Variants in PCDH15 observed in about 807,000 individuals in gnomAD.
The protein encoded by PCDH15 is protocadherin-15.
Under a neutral mutation model 178.5 loss-of-function variants are expected in PCDH15, and 129 were observed. The ratio of observed to expected loss-of-function variants is 0.72; its 90% CI spans 0.63 to 0.84. The LOEUF (loss-of-function observed/expected upper bound fraction) is 0.84, where lower values mean the gene tolerates loss of function less well. PCDH15 is among the 40% of genes least tolerant of loss of function. The pLI is 0.00. For missense variants in PCDH15, 2,230 were observed against 2,099.9 expected (o/e 1.06, Z -1.21); for synonymous variants, 800 against 732.0 (o/e 1.09, Z -1.50).
intron 13 of PCDH15, among the ~76,000 whole-genome samples, chr10:54,171,261 G>A (rs1460580494): frequency 1.3e-5 from 2 of 152,090 alleles, no homozygotes; most frequent in Non-Finnish European, 2.9e-5. Flanking sequence ...TTCAAGAAAA[G>A]TAGAATGGAC....
At chr10:54,135,113 G>C (rs1332596413) in intron 14 of PCDH15, among the ~76,000 whole-genome samples, 1 of 151,206 alleles carries the variant, frequency 6.6e-6, no homozygotes, top group Non-Finnish European at 1.5e-5. Flanking sequence ...GCAGAAGGGA[G>C]AATTGCTTGA....
At chr10:55,231,113 T>C (rs950676316) in intron 1 of PCDH15, among the ~76,000 whole-genome samples, 9 of 152,130 alleles carry the variant, frequency 5.9e-5, no homozygotes, top group East Asian at 1.9e-4. Context: ...AGCCAGAATA[T>C]AGCTTTGCAT....
intron 2 of PCDH15, among the ~76,000 whole-genome samples, chr10:55,142,047 T>A (rs914474961): frequency 6.6e-6 from 1 of 152,082 alleles, no homozygotes; most frequent in Non-Finnish European, 1.5e-5. Flanking sequence ...TATGGCAGAA[T>A]GTATTTGTTA....
At chr10:54,312,243 A>C (rs554081959) in intron 8 of PCDH15, among the ~76,000 whole-genome samples, 55 of 152,250 alleles carry the variant, frequency 3.6e-4, no homozygotes, top group African/African-American at 1.2e-3. Flanking sequence ...AAACACAGTA[A>C]TTTGAATGTG....
At chr10:53,954,718 A>G (rs1377924860) in intron 23 of PCDH15, among the ~76,000 whole-genome samples, 1 of 152,244 alleles carries the variant, frequency 6.6e-6, no homozygotes, top group African/African-American at 2.4e-5. Context: ...AATACTCATT[A>G]AACTGAAATC....
At chr10:54,144,506 C>T (rs2133218007) in intron 14 of PCDH15, among the ~76,000 whole-genome samples, 1 of 152,184 alleles carries the variant, frequency 6.6e-6, no homozygotes, top group Admixed American at 6.6e-5. Context: ...TGCTTTCTTG[C>T]CCCTCCCTAG....
intron 2 of PCDH15, among the ~76,000 whole-genome samples, chr10:55,612,841 A>G (rs1348796001): frequency 6.6e-6 from 1 of 152,106 alleles, no homozygotes; most frequent in Non-Finnish European, 1.5e-5. Context: ...CCTTTAATGT[A>G]TCTGCATGGT....
At chr10:54,990,028 C>T (rs1839462520) in intron 2 of PCDH15, among the ~76,000 whole-genome samples, 1 of 152,150 alleles carries the variant, frequency 6.6e-6, no homozygotes, top group African/African-American at 2.4e-5. Context: ...ATGTGACTTG[C>T]TCCTCCTTGT....
chr10:54,874,410 G>A (rs1954100330), intron 3 of PCDH15, among the ~76,000 whole-genome samples: 1 of 149,580 alleles, frequency 6.7e-6, no homozygotes, highest in African/African-American at 2.5e-5. Flanking sequence ...CTTTGCTATT[G>A]TGAATAATGC....
rs189370928 is a variant in PCDH15 at position 54,598,295 on chromosome 10, C to A, written c.91+65877G>T. 9.9e-5 allele frequency among the ~76,000 whole-genome samples: 15 copies of A among 152,140 alleles called. No homozygotes were observed. The East Asian group carries it at 2.7e-3, about 27-fold the overall frequency. On this transcript the variant is annotated intron_variant, in intron 2 of 37. Transcript: ENST00000644397. The stretch of plus-strand genomic sequence containing the variant: ...ATCCACCACAATCAATATTCTTTAT[C>A]CCTGGGATGCAAGGTTTGTTCAATA...
intron 2 of PCDH15, among the ~76,000 whole-genome samples, chr10:55,522,893 C>G (rs1042901996): frequency 3.3e-5 from 5 of 151,018 alleles, no homozygotes; most frequent in Admixed American, 3.3e-4. Flanking sequence ...TTTTCTTTCT[C>G]CCCTGTTGTC....
At chr10:55,427,876 A>C (rs1323805789) in intron 2 of PCDH15, among the ~76,000 whole-genome samples, 1 of 152,128 alleles carries the variant, frequency 6.6e-6, no homozygotes, top group Non-Finnish European at 1.5e-5. Context: ...TAGTATCTCC[A>C]AATAGCATTT....
chr10:55,545,352 T>C (rs1350194727), intron 2 of PCDH15, among the ~76,000 whole-genome samples: 1 of 151,734 alleles, frequency 6.6e-6, no homozygotes, highest in Non-Finnish European at 1.5e-5. Flanking sequence ...CTTGGTTCAC[T>C]GCAACCTCCG....
intron 1 of PCDH15, among the ~76,000 whole-genome samples, chr10:55,257,018 A>G (rs1306666541): frequency 1.3e-5 from 2 of 152,154 alleles, no homozygotes; most frequent in Non-Finnish European, 2.9e-5. Flanking sequence ...TACTCCTCTG[A>G]GACAAAACTT....
intron 13 of PCDH15, among the ~76,000 whole-genome samples, chr10:54,156,162 G>GT (rs970824639): frequency 6.6e-5 from 10 of 151,974 alleles, no homozygotes; most frequent in East Asian, 5.8e-4. Flanking sequence ...TGAGCTATTT[G>GT]TTTTTTTTAT....
At chr10:53,807,163 A>T (rs781664814) in intron 37 of PCDH15, 33 bp from the exon 38 acceptor site, 1 of 1,496,662 alleles carries the variant, frequency 6.7e-7, no homozygotes, top group East Asian at 2.3e-5. Flanking sequence ...GTGAGTCACT[A>T]TCAAATAAAT....
intron 3 of PCDH15, among the ~76,000 whole-genome samples, chr10:54,870,786 A>G (rs1160262716): frequency 1.4e-4 from 2 of 13,940 alleles, no homozygotes; most frequent in African/African-American, 2.3e-4. Flanking sequence ...ACTCCCTCTC[A>G]AAAAAATAAA....
At chr10:55,525,197 G>T (rs766483148) in intron 2 of PCDH15, among the ~76,000 whole-genome samples, 1 of 151,570 alleles carries the variant, frequency 6.6e-6, no homozygotes, top group Non-Finnish European at 1.5e-5. Flanking sequence ...TAACAGATTT[G>T]GATTTCAGTA....
At chr10:55,072,568 T>A (rs1241947553) in intron 2 of PCDH15, among the ~76,000 whole-genome samples, 1 of 152,128 alleles carries the variant, frequency 6.6e-6, no homozygotes, top group East Asian at 1.9e-4. Flanking sequence ...AATCTCTGAA[T>A]AGACCAATAA....
Sources: allele counts gnomAD v4.1 joint callset (sites outside exome capture counted in the v4.1 genomes callset), GRCh38; gene constraint gnomAD v4.1.1; transcripts MANE v1.5; gene names NCBI Gene and HGNC (gene_info 2026-07-23, HGNC 2026-07-21).